Variants in FHIT observed in about 807,000 individuals in gnomAD.
FHIT encodes the protein bis(5'-adenosyl)-triphosphatase.
A neutral mutation model predicts 17.9 loss-of-function variants in FHIT; 19 were observed. That is an observed-to-expected ratio of 1.06 (90% CI 0.74 to 1.56). The LOEUF is 1.56. Ranked by LOEUF, FHIT falls within the 40% of genes most tolerant of loss-of-function variation. FHIT has a pLI of 0.00. For synonymous variants in FHIT, 81 were observed against 69.7 expected (o/e 1.16, Z -0.81); for missense variants, 248 against 189.2 (o/e 1.31, Z -1.82).
At chr3:60,456,234 T>C (rs1040982723) in intron 5 of FHIT, among the ~76,000 whole-genome samples, 2 of 152,190 alleles carry the variant, frequency 1.3e-5, no homozygotes, top group East Asian at 3.8e-4. Context: ...AAAAAACATA[T>C]ATGACTCAGA....
chr3:60,205,890 T>C (rs970907195), intron 5 of FHIT, among the ~76,000 whole-genome samples: 1 of 151,624 alleles, frequency 6.6e-6, no homozygotes, highest in Non-Finnish European at 1.5e-5. Flanking sequence ...GGGCAGATCA[T>C]GAGGTCAGGT....
chr3:60,195,508 T>C (rs894778707), intron 5 of FHIT, among the ~76,000 whole-genome samples: 72 of 140,522 alleles, frequency 5.1e-4, no homozygotes, highest in African/African-American at 1.9e-3. Flanking sequence ...GGAACCAACC[T>C]AAGTGACCAT....
rs148145316 is a variant in FHIT, at chr3:59,913,601, T to C, written c.348+8745A>G. Among the ~76,000 whole-genome samples the C allele has an allele frequency of 5.2e-3, 796 of 152,256 alleles. 13 individuals carry two copies. Among genetic ancestry groups the C allele is most frequent in the African/African-American group, 0.018 (765 of 41,544 alleles). ...AAATATTACATTTATTTAAAATAGATGTATTACTAGTCTCAGTGTATTCTC... is the reference window on the plus strand; with the variant it reads ...AAATATTACATTTATTTAAAATAGACGTATTACTAGTCTCAGTGTATTCTC... On this transcript the variant is annotated intron_variant, in intron 8 of 9. Transcript: ENST00000492590.
In FHIT at chr3:60,604,799, T is replaced by G. The variant is rs965735590; in HGVS notation, c.-17-67820A>C. On this transcript the variant is annotated intron_variant, in intron 4 of 9. Coordinates refer to ENST00000492590, the MANE Select transcript of FHIT (RefSeq NM_002012.4). ...CCAGGAATCTTGGATCTCTTCAGAATAGTGGGCAAACTGAGAGAAAGCAAG... is the reference window on the plus strand; with the variant it reads ...CCAGGAATCTTGGATCTCTTCAGAAGAGTGGGCAAACTGAGAGAAAGCAAG... Among the ~76,000 whole-genome samples, 5 of 152,168 alleles carry G rather than the reference T, an allele frequency of 3.3e-5. No homozygotes were observed. The South Asian group carries it at 8.3e-4, about 25-fold the overall frequency.
At chr3:60,342,411 G>C (rs1167597876) in intron 5 of FHIT, among the ~76,000 whole-genome samples, 1 of 152,100 alleles carries the variant, frequency 6.6e-6, no homozygotes, top group Non-Finnish European at 1.5e-5. Context: ...TTTGTGTTTG[G>C]ACACCAAATT....
chr3:60,407,004 T>C (rs1399125027), intron 5 of FHIT, among the ~76,000 whole-genome samples: 1 of 151,306 alleles, frequency 6.6e-6, no homozygotes, highest in African/African-American at 2.4e-5. Flanking sequence ...TTCTGTCAAT[T>C]CTCAAGTCTC....
chr3:60,648,228 T>A (rs532083793), intron 4 of FHIT, among the ~76,000 whole-genome samples: 1 of 152,326 alleles, frequency 6.6e-6, no homozygotes, highest in East Asian at 1.9e-4. Flanking sequence ...GAAGCTCAAA[T>A]TCATACGTCA....
At chr3:60,038,437 T>G (rs1043762271) in intron 5 of FHIT, among the ~76,000 whole-genome samples, 1 of 147,888 alleles carries the variant, frequency 6.8e-6, no homozygotes, top group African/African-American at 2.4e-5. Context: ...TCTGAAAAAT[T>G]TGTCAGAATA....
intron 5 of FHIT, among the ~76,000 whole-genome samples, chr3:60,105,955 C>G (rs1166500844): frequency 6.6e-6 from 1 of 152,110 alleles, no homozygotes; most frequent in African/African-American, 2.4e-5. Flanking sequence ...TAACCATGGT[C>G]CAAAAATATT....
chr3:60,451,289 G>A (rs544221367), intron 5 of FHIT, among the ~76,000 whole-genome samples: 17 of 152,130 alleles, frequency 1.1e-4, no homozygotes, highest in African/African-American at 3.1e-4. Flanking sequence ...CCAACTTGCC[G>A]TTGCATATCA....
chr3:60,496,509 G>A (rs549505485), intron 5 of FHIT, among the ~76,000 whole-genome samples: 1 of 152,208 alleles, frequency 6.6e-6, no homozygotes, highest in South Asian at 2.1e-4. Flanking sequence ...CAAACATCAT[G>A]GGAAACAGAT....
chr3:60,622,460 G>T (rs1200572112), intron 4 of FHIT, among the ~76,000 whole-genome samples: 3 of 152,104 alleles, frequency 2.0e-5, no homozygotes, highest in African/African-American at 7.2e-5. Context: ...AGAGAGAAAG[G>T]CAAAGGGGGA....
intron 5 of FHIT, among the ~76,000 whole-genome samples, chr3:60,332,253 T>C (rs1184518896): frequency 6.6e-6 from 1 of 152,194 alleles, no homozygotes; most frequent in Admixed American, 6.5e-5. Flanking sequence ...TCCTAAATGA[T>C]AAAGCCAGAA....
chr3:60,172,276 T>A (rs1477886504), intron 5 of FHIT, among the ~76,000 whole-genome samples: 1 of 152,052 alleles, frequency 6.6e-6, no homozygotes, highest in Non-Finnish European at 1.5e-5. Context: ...GTTTGTTTGT[T>A]TGCTTTGAGA....
rs372131269 is a variant in FHIT, at chr3:59,794,219, C to T, written c.349-41898G>A. Among the ~76,000 whole-genome samples the T allele has an allele frequency of 3.9e-5, 6 of 152,288 alleles. No homozygotes were observed. In the South Asian group the frequency reaches 6.2e-4, roughly 16 times the overall value. On this transcript the variant is annotated intron_variant, in intron 8 of 9. Transcript: ENST00000492590. The stretch of plus-strand genomic sequence containing the variant: ...TACCGTTGTCAGAACTTGACTTAAA[C>T]GAAACAACAGACATCAGACTTTCTT...
intron 5 of FHIT, among the ~76,000 whole-genome samples, chr3:60,306,118 C>T (rs777078379): frequency 1.1e-4 from 17 of 152,016 alleles, no homozygotes; most frequent in African/African-American, 3.1e-4. Flanking sequence ...GGTATTAAAG[C>T]GTAAAAGTCT....
At chr3:60,928,721 T>G (rs1313841200) in intron 3 of FHIT, among the ~76,000 whole-genome samples, 9 of 152,038 alleles carry the variant, frequency 5.9e-5, no homozygotes, top group Non-Finnish European at 8.8e-5. Context: ...GAGGCAACAA[T>G]TAATAGCTTA....
intron 2 of FHIT, among the ~76,000 whole-genome samples, chr3:61,133,414 A>G (rs1277770928): frequency 6.6e-6 from 1 of 152,224 alleles, no homozygotes; most frequent in Non-Finnish European, 1.5e-5. Flanking sequence ...CTGCAATGCC[A>G]GGTAGCTGGT....
At chr3:61,036,207 A>G (rs1217873996) in intron 3 of FHIT, among the ~76,000 whole-genome samples, 1 of 152,180 alleles carries the variant, frequency 6.6e-6, no homozygotes, top group Admixed American at 6.5e-5. Flanking sequence ...GGGGCAGAAC[A>G]GAGTGTGGTA....
Sources: gnomAD v4.1 joint callset for allele counts (sites outside exome capture counted in the v4.1 genomes callset) on GRCh38, gnomAD v4.1.1 for gene constraint, MANE v1.5 for transcripts, NCBI Gene and HGNC (gene_info 2026-07-23, HGNC 2026-07-21) for gene names.